Variants in EDIL3 observed in about 807,000 individuals in gnomAD.
EDIL3 encodes the protein EGF-like repeat and discoidin I-like domain-containing protein 3.
A neutral mutation model predicts 67.4 loss-of-function variants in EDIL3; 37 were observed. That is an observed-to-expected ratio of 0.55 (90% CI 0.42 to 0.72). The LOEUF is 0.72. Ranked by LOEUF, EDIL3 falls within the 30% of genes least tolerant of loss-of-function variation. EDIL3 has a pLI of 0.00. For missense variants in EDIL3, 527 were observed against 586.3 expected (o/e 0.90, Z 1.04); for synonymous variants, 195 against 196.3 (o/e 0.99, Z 0.05).
At chr5:84,153,480 A>C (rs1748434839) in intron 4 of EDIL3, among the ~76,000 whole-genome samples, 1 of 151,662 alleles carries the variant, frequency 6.6e-6, no homozygotes, top group South Asian at 2.1e-4. Flanking sequence ...TTTTTAATAG[A>C]GACGGGGTTT....
chr5:84,164,671 T>A (rs109725), intron 4 of EDIL3, among the ~76,000 whole-genome samples: 55,466 of 151,942 alleles, frequency 0.37, 10,966 homozygotes, highest in East Asian at 0.74. Flanking sequence ...CACTTATTTA[T>A]AAATTCATTT....
intron 9 of EDIL3, among the ~76,000 whole-genome samples, chr5:83,994,336 T>G (rs1745200719): frequency 6.6e-6 from 1 of 151,704 alleles, no homozygotes; most frequent in South Asian, 2.1e-4. Context: ...GAAGAGGATT[T>G]AAAACCAAAC....
chr5:83,970,415 CTT>C (rs1188210431), intron 9 of EDIL3, among the ~76,000 whole-genome samples: 1 of 148,220 alleles, frequency 6.7e-6, no homozygotes, highest in East Asian at 2.0e-4. Flanking sequence ...TGCTATGTCA[CTT>C]AATTTTATTT....
intron 1 of EDIL3, among the ~76,000 whole-genome samples, chr5:84,321,283 G>A (rs770989903): frequency 6.6e-5 from 10 of 151,804 alleles, no homozygotes; most frequent in Non-Finnish European, 1.5e-4. Context: ...TATTTGTGAG[G>A]GGCAATTTTC....
intron 5 of EDIL3, among the ~76,000 whole-genome samples, chr5:84,113,983 T>C (rs539539731): frequency 2.2e-4 from 33 of 152,098 alleles, no homozygotes; most frequent in Non-Finnish European, 3.8e-4. Flanking sequence ...TTAATGCTGA[T>C]TCAAATGTAA....
At chr5:84,027,827 A>T (rs1745843322) in intron 9 of EDIL3, among the ~76,000 whole-genome samples, 1 of 152,090 alleles carries the variant, frequency 6.6e-6, no homozygotes, top group Non-Finnish European at 1.5e-5. Flanking sequence ...GAAGTGAAAT[A>T]AAAAGGGTGG....
intron 1 of EDIL3, among the ~76,000 whole-genome samples, chr5:84,374,565 C>T (rs985465093): frequency 1.3e-5 from 2 of 151,992 alleles, no homozygotes; most frequent in African/African-American, 4.8e-5. Flanking sequence ...ACAGCTATAC[C>T]AAGGAAGAAA....
At chr5:84,258,532 CT>C (rs1285677694) in intron 1 of EDIL3, among the ~76,000 whole-genome samples, 36 of 152,262 alleles carry the variant, frequency 2.4e-4, no homozygotes, top group African/African-American at 8.7e-4. Context: ...AAGTAGGGTC[CT>C]GAAAGTTCTG....
At chr5:84,117,039 T>TTA (rs1747680867) in intron 5 of EDIL3, among the ~76,000 whole-genome samples, 1 of 141,530 alleles carries the variant, frequency 7.1e-6, no homozygotes, top group African/African-American at 2.6e-5. Flanking sequence ...TTTTTTTTTT[T>TTA]TTTTTTGAGA....
At chr5:84,243,874 C>T (rs960963724) in intron 2 of EDIL3, among the ~76,000 whole-genome samples, 7 of 152,118 alleles carry the variant, frequency 4.6e-5, no homozygotes, top group Admixed American at 2.0e-4. Context: ...AATGATTCAG[C>T]CCAATTCTAC....
chr5:84,334,024 T>G (rs1746931731), intron 1 of EDIL3, among the ~76,000 whole-genome samples: 1 of 152,032 alleles, frequency 6.6e-6, no homozygotes, highest in African/African-American at 2.4e-5. Flanking sequence ...AATCTTTGTA[T>G]GTAAGAACGA....
At chr5:84,253,208 C>T (rs1745058007) in intron 2 of EDIL3, among the ~76,000 whole-genome samples, 2 of 152,120 alleles carry the variant, frequency 1.3e-5, no homozygotes, top group Non-Finnish European at 2.9e-5. Context: ...ACTATTTCCC[C>T]AAAGCCATTG....
intron 9 of EDIL3, among the ~76,000 whole-genome samples, chr5:84,052,372 C>T (rs1746356808): frequency 6.6e-6 from 1 of 152,042 alleles, no homozygotes; most frequent in African/African-American, 2.4e-5. Context: ...ATTGTAAAGA[C>T]CATCAATGCT....
chr5:84,200,013 G>A (rs1354436600), intron 3 of EDIL3, among the ~76,000 whole-genome samples: 1 of 151,974 alleles, frequency 6.6e-6, no homozygotes, highest in Admixed American at 6.6e-5. Flanking sequence ...ATAATGTATT[G>A]GTACAAGTCC....
chr5:84,309,224 T>A (rs1746330845), intron 1 of EDIL3, among the ~76,000 whole-genome samples: 1 of 152,090 alleles, frequency 6.6e-6, no homozygotes, highest in Non-Finnish European at 1.5e-5. Context: ...TTGTAATTAA[T>A]TGTTGGGGGT....
chr5:84,112,146 T>C (rs1747575900), intron 5 of EDIL3, among the ~76,000 whole-genome samples: 1 of 152,158 alleles, frequency 6.6e-6, no homozygotes, highest in African/African-American at 2.4e-5. Context: ...AATTTGGTTC[T>C]GTTAGTGATG....
intron 5 of EDIL3, among the ~76,000 whole-genome samples, chr5:84,119,471 A>G (rs2112297317): frequency 6.6e-6 from 1 of 152,146 alleles, no homozygotes; most frequent in South Asian, 2.1e-4. Context: ...GGGGAAATAT[A>G]AACTATGGCT....
intron 3 of EDIL3, among the ~76,000 whole-genome samples, chr5:84,198,087 G>C (rs911917291): frequency 4.6e-5 from 7 of 152,022 alleles, no homozygotes; most frequent in Admixed American, 2.6e-4. Context: ...CAGAGGACTT[G>C]TAGATAGTGT....
intron 9 of EDIL3, among the ~76,000 whole-genome samples, chr5:83,977,436 G>A (rs895930086): frequency 2.0e-5 from 3 of 151,572 alleles, no homozygotes; most frequent in Non-Finnish European, 4.4e-5. Context: ...TCCACTTTTG[G>A]TGCCAGGAAG....
Sources: allele counts gnomAD v4.1 joint callset (sites outside exome capture counted in the v4.1 genomes callset), GRCh38; gene constraint gnomAD v4.1.1; transcripts MANE v1.5; gene names NCBI Gene and HGNC (gene_info 2026-07-23, HGNC 2026-07-21).